The following VRK2 variants were observed in gnomAD, a reference collection of about 807,000 sequenced individuals.
VRK2 encodes serine/threonine-protein kinase VRK2.
Under a neutral mutation model 57.6 loss-of-function variants are expected in VRK2, and 60 were observed. The ratio of observed to expected loss-of-function variants is 1.04; its 90% confidence interval spans 0.85 to 1.29. VRK2 has a LOEUF of 1.29. Among genes scored for constraint, VRK2 ranks in the 50% most tolerant of loss-of-function variants. The pLI is 0.00. For missense variants in VRK2, 705 were observed against 588.1 expected, an observed-to-expected ratio of 1.20 and a Z score of -2.06; for synonymous variants, 231 against 199.2, an observed-to-expected ratio of 1.16 and a Z score of -1.35.
intron 12 of VRK2, among the ~76,000 whole-genome samples, chr2:58,155,242 T>A (rs966339464): frequency 6.6e-6 from 1 of 152,220 alleles, no homozygotes. Context: ...TAGGGAGATG[T>A]GCGATGCCAA....
intron 7 of VRK2, among the ~76,000 whole-genome samples, chr2:58,118,792 AAG>A (rs1293283723): frequency 2.6e-4 from 39 of 152,306 alleles, no homozygotes; most frequent in East Asian, 1.9e-3. Context: ...TGAGTCCGAA[AAG>A]AGAGTCAGCG....
chr2:57,969,544 A>C (rs1260639978), intron 1 of VRK2, among the ~76,000 whole-genome samples: 3 of 152,208 alleles, frequency 2.0e-5, no homozygotes, highest in Non-Finnish European at 4.4e-5. Flanking sequence ...TCAAAAGTAA[A>C]TTCACATCTT....
chr2:57,949,029 T>C (rs72947171), intron 1 of VRK2, among the ~76,000 whole-genome samples: 2,322 of 137,990 alleles, frequency 0.017, 90 homozygotes, highest in African/African-American at 0.064. Flanking sequence ...AGAGTAAAAT[T>C]ATGAAAGTAA....
Position 58,048,813 on chromosome 2 carries a change from C to A in VRK2, c.-5-14C>A. ...TTTCTTTTTACCCATTTATCTCACC[C>A]CTTCTGCCAACAGAAGTGATGCCAC... On this transcript the variant is annotated splice_polypyrimidine_tract_variant and intron_variant, in intron 1 of 12. Coordinates refer to ENST00000340157, the MANE Select transcript of VRK2 (RefSeq NM_006296.7). 1 of 1,611,822 alleles carries A rather than the reference C, an allele frequency of 6.2e-7. No individual in the cohort carries two copies. The highest frequency in any genetic ancestry group is 8.5e-7 in the Non-Finnish European group (1 of 1,178,954).
intron 1 of VRK2, among the ~76,000 whole-genome samples, chr2:57,943,471 G>A (rs1440248695): frequency 6.6e-6 from 1 of 152,168 alleles, no homozygotes; most frequent in East Asian, 1.9e-4. Context: ...CTAGAAAGGG[G>A]ACCTAGAAGT....
chr2:58,104,266 C>G lies in VRK2; in HGVS notation c.543+14543C>G, dbSNP rs560336686. The stretch of plus-strand genomic sequence containing the variant: ...ACATCCAGATTGCAAAAGAAGAAAT[C>G]GAATTATCTCTATTTGCCAACAATA... On this transcript the variant is annotated intron_variant, in intron 7 of 12. Transcript: ENST00000340157. 5.3e-5 allele frequency among the ~76,000 whole-genome samples: 8 copies of G among 151,702 alleles called. No individual in the cohort carries two copies. In the East Asian group the frequency reaches 1.5e-3, roughly 29 times the overall value.
At chr2:58,107,049 C>G (rs1174520518) in intron 7 of VRK2, among the ~76,000 whole-genome samples, 2 of 152,036 alleles carry the variant, frequency 1.3e-5, no homozygotes, top group East Asian at 3.9e-4. Context: ...CATGTTTTAA[C>G]AGATATGAGT....
intron 7 of VRK2, among the ~76,000 whole-genome samples, chr2:58,090,532 C>G (rs1332710867): frequency 6.6e-6 from 1 of 151,890 alleles, no homozygotes; most frequent in Non-Finnish European, 1.5e-5. Flanking sequence ...AAAACGTGGT[C>G]AGTACAGTAC....
intron 10 of VRK2, among the ~76,000 whole-genome samples, chr2:58,136,118 C>G (rs1033429496): frequency 2.6e-5 from 4 of 152,144 alleles, no homozygotes; most frequent in African/African-American, 9.7e-5. Flanking sequence ...CACAGCCTTT[C>G]TTTCACTGGA....
chr2:58,047,403 T>A, intron 1 of VRK2: 1 of 985,312 alleles, frequency 1.0e-6, no homozygotes, highest in Non-Finnish European at 1.2e-6. Context: ...GGGACACCCC[T>A]GACAGGGACG....
At position 58,059,675 on chromosome 2, in the gene VRK2, T is replaced by C. The variant is rs1424875208; in HGVS notation, c.136+10708T>C. Among the ~76,000 whole-genome samples, 6 of 151,892 alleles carry C rather than the reference T, an allele frequency of 4.0e-5. No individual in the cohort carries two copies. In the East Asian group the frequency reaches 9.7e-4, roughly 24 times the overall value. On this transcript the variant is annotated intron_variant, in intron 2 of 12. Coordinates refer to ENST00000340157, the MANE Select transcript of VRK2 (RefSeq NM_006296.7). The stretch of plus-strand genomic sequence containing the variant: ...AACTAAAATTAGTTATTTCAAGATA[T>C]TATACAGTAGTAATGATTATTATAT...
chr2:58,099,470 T>G (rs1673648545), intron 7 of VRK2, among the ~76,000 whole-genome samples: 1 of 152,064 alleles, frequency 6.6e-6, no homozygotes. Flanking sequence ...GCATGTGTAT[T>G]TGTATTCCTT....
chr2:58,051,371 A>G (rs1349750814), intron 2 of VRK2, among the ~76,000 whole-genome samples: 2 of 152,206 alleles, frequency 1.3e-5, no homozygotes, highest in Non-Finnish European at 2.9e-5. Context: ...GTGTGTTCCA[A>G]ATGTTGTAAC....
chr2:57,960,380 G>A (rs1558513574), intron 1 of VRK2, among the ~76,000 whole-genome samples: 2 of 152,098 alleles, frequency 1.3e-5, no homozygotes, highest in African/African-American at 4.8e-5. Flanking sequence ...TCCACACTAA[G>A]GCAAACTGCT....
At chr2:58,007,965 C>T (rs1440710709) in intron 1 of VRK2, among the ~76,000 whole-genome samples, 1 of 151,980 alleles carries the variant, frequency 6.6e-6, no homozygotes, top group Non-Finnish European at 1.5e-5. Context: ...ATGCTGACTA[C>T]TTTAACAAAC....
intron 7 of VRK2, among the ~76,000 whole-genome samples, chr2:58,098,154 C>T (rs1251853466): frequency 6.6e-6 from 1 of 151,536 alleles, no homozygotes; most frequent in East Asian, 1.9e-4. Context: ...TAGAAAAAGC[C>T]TACAGAATAA....
Position 58,116,690 on chromosome 2 carries a change from C to T in VRK2, c.544-6411C>T, listed in dbSNP as rs541267596. ...CAATCAGACAGCATCAGTCTTCAGC[C>T]GCTAAGCCAAGAAGGAGTCAGTCAG... is the stretch of plus-strand genomic sequence containing the variant. On this transcript the variant is annotated intron_variant, in intron 7 of 12. Transcript: ENST00000340157. 3.6e-4 allele frequency among the ~76,000 whole-genome samples: 55 copies of T among 152,264 alleles called. 1 individual carries two copies. In the East Asian group the frequency reaches 9.7e-3, roughly 27 times the overall value.
chr2:57,951,008 C>G (rs993375222), intron 1 of VRK2, among the ~76,000 whole-genome samples: 10 of 152,108 alleles, frequency 6.6e-5, no homozygotes, highest in African/African-American at 2.4e-4. Context: ...AGGGAAATCA[C>G]TTGAACCCAG....
At chr2:58,010,596 C>G (rs1313150259) in intron 1 of VRK2, among the ~76,000 whole-genome samples, 1 of 152,120 alleles carries the variant, frequency 6.6e-6, no homozygotes, top group Non-Finnish European at 1.5e-5. Flanking sequence ...ATATAGGTCT[C>G]CATTGGAAAA....
Sources: allele counts gnomAD v4.1 joint callset (sites outside exome capture counted in the v4.1 genomes callset), GRCh38; gene constraint gnomAD v4.1.1; transcripts MANE v1.5; gene names NCBI Gene and HGNC (gene_info 2026-07-23, HGNC 2026-07-21).